Variants in RBFOX1 observed in about 807,000 individuals in gnomAD.
RBFOX1 encodes RNA binding protein fox-1 homolog 1.
RBFOX1 carries 8 observed loss-of-function variants against 57.7 expected under a neutral mutation model. The ratio of observed to expected loss-of-function variants is 0.14; its 90% confidence interval spans 0.08 to 0.25. The LOEUF (loss-of-function observed/expected upper bound fraction) is 0.25. RBFOX1 is among the 10% of genes least tolerant of loss of function. The probability of loss-of-function intolerance (pLI) is 1.00; values close to 1 mark genes in which losing one functional copy is unlikely to be tolerated. For missense variants in RBFOX1, 611 were observed against 548.5 expected (o/e 1.11, Z -1.14); for synonymous variants, 326 against 222.4 (o/e 1.47, Z -4.15).
intron 3 of RBFOX1, among the ~76,000 whole-genome samples, chr16:6,831,141 C>T (rs114695631): frequency 6.6e-6 from 1 of 152,120 alleles, no homozygotes; most frequent in Non-Finnish European, 1.5e-5. Context: ...TATTTGCAAG[C>T]GGTTTTGCTC....
At chr16:7,093,824 G>A (rs1443802805) in intron 4 of RBFOX1, among the ~76,000 whole-genome samples, 1 of 151,992 alleles carries the variant, frequency 6.6e-6, no homozygotes. Context: ...CTCTTTGTCT[G>A]TAAAGTGATT....
intron 3 of RBFOX1, among the ~76,000 whole-genome samples, chr16:6,909,572 G>T (rs1428503179): frequency 6.6e-6 from 1 of 152,162 alleles, no homozygotes; most frequent in Admixed American, 6.5e-5. Flanking sequence ...TCATATTCAG[G>T]CTCAGCTACC....
intron 3 of RBFOX1, among the ~76,000 whole-genome samples, chr16:6,864,321 G>T (rs943701189): frequency 2.6e-4 from 39 of 152,142 alleles, no homozygotes; most frequent in African/African-American, 8.7e-4. Context: ...ATCCTATCCA[G>T]TTATTTCAAG....
intron 4 of RBFOX1, among the ~76,000 whole-genome samples, chr16:5,961,544 A>T (rs897515108): frequency 3.9e-5 from 6 of 151,996 alleles, no homozygotes; most frequent in Non-Finnish European, 7.4e-5. Flanking sequence ...TTTTTGAGAC[A>T]GGGTCTTCCT....
chr16:7,649,803 C>T (rs1005744382), intron 11 of RBFOX1, among the ~76,000 whole-genome samples: 9 of 152,126 alleles, frequency 5.9e-5, no homozygotes, highest in Admixed American at 2.0e-4. Context: ...CACCAGTAAG[C>T]GTCCTTCTCC....
chr16:7,349,380 A>G (rs759169910), intron 4 of RBFOX1, among the ~76,000 whole-genome samples: 1 of 152,134 alleles, frequency 6.6e-6, no homozygotes, highest in Non-Finnish European at 1.5e-5. Flanking sequence ...TAAAAACTAA[A>G]TCCTCCTCCT....
At chr16:6,760,297 T>G (rs1340610381) in intron 3 of RBFOX1, among the ~76,000 whole-genome samples, 1 of 152,178 alleles carries the variant, frequency 6.6e-6, no homozygotes, top group Non-Finnish European at 1.5e-5. Context: ...AGGAGAGCAT[T>G]GGCACCTATG....
At chr16:5,807,713 G>A (rs947135783) in intron 3 of RBFOX1, among the ~76,000 whole-genome samples, 4 of 152,108 alleles carry the variant, frequency 2.6e-5, no homozygotes, top group East Asian at 3.9e-4. Context: ...AGTCTACATC[G>A]GTGCATCACA....
chr16:6,510,389 C>G (rs953339587), intron 2 of RBFOX1, among the ~76,000 whole-genome samples: 4 of 152,090 alleles, frequency 2.6e-5, no homozygotes, highest in Non-Finnish European at 5.9e-5. Flanking sequence ...TTTCCCGATG[C>G]CGTTCTGCTC....
At chr16:6,662,223 G>A (rs2098706146) in intron 3 of RBFOX1, among the ~76,000 whole-genome samples, 1 of 152,094 alleles carries the variant, frequency 6.6e-6, no homozygotes, top group African/African-American at 2.4e-5. Flanking sequence ...GCACAGTGAT[G>A]AGAGTTTAAT....
intron 4 of RBFOX1, among the ~76,000 whole-genome samples, chr16:7,435,390 A>G (rs1314736111): frequency 6.6e-6 from 1 of 151,992 alleles, no homozygotes; most frequent in Non-Finnish European, 1.5e-5. Flanking sequence ...GGTACATATT[A>G]TGAAAATGAC....
intron 4 of RBFOX1, among the ~76,000 whole-genome samples, chr16:7,383,331 C>A (rs1339107180): frequency 6.6e-6 from 1 of 150,858 alleles, no homozygotes; most frequent in South Asian, 2.1e-4. Flanking sequence ...AACTTCTCTG[C>A]TTGGACAAAA....
chr16:5,896,784 T>C (rs2058174437), intron 4 of RBFOX1, among the ~76,000 whole-genome samples: 1 of 152,028 alleles, frequency 6.6e-6, no homozygotes, highest in African/African-American at 2.4e-5. Flanking sequence ...CAGCCAACAC[T>C]TTAGTATGTG....
intron 6 of RBFOX1, among the ~76,000 whole-genome samples, chr16:7,580,627 A>T (rs2093686018): frequency 6.6e-6 from 1 of 152,228 alleles, no homozygotes. Context: ...CCACTGACCC[A>T]GGAGAAAATA....
At chr16:7,332,847 T>C in intron 4 of RBFOX1, 4 of 1,455,792 alleles carry the variant, frequency 2.7e-6, no homozygotes, top group Non-Finnish European at 3.6e-6. Flanking sequence ...CGGATTTTCT[T>C]TCTTTCCTCT....
At chr16:6,094,216 A>G (rs976982465) in intron 1 of RBFOX1, among the ~76,000 whole-genome samples, 1 of 152,160 alleles carries the variant, frequency 6.6e-6, no homozygotes, top group Non-Finnish European at 1.5e-5. Flanking sequence ...ATGGATGAGG[A>G]AGACCAGCCA....
rs75478201 is a variant in RBFOX1, at chr16:5,956,946, A to G, written c.351+89611A>G. Among the ~76,000 whole-genome samples, 1,141 of 151,766 alleles carry G rather than the reference A, an allele frequency of 7.5e-3. 9 individuals are homozygous for G. Among genetic ancestry groups the G allele is most frequent in the East Asian group, 0.039 (198 of 5,128 alleles). On this transcript the variant is annotated intron_variant, in intron 4 of 19. Transcript: ENST00000641259. Reference sequence around the variant, plus strand: ...GGCATCCCAAAGTGCTAGGGATTACATGCCTGAGCCACTGCGCCCAGCCTG... The same window carrying G: ...GGCATCCCAAAGTGCTAGGGATTACGTGCCTGAGCCACTGCGCCCAGCCTG...
intron 2 of RBFOX1, among the ~76,000 whole-genome samples, chr16:6,327,453 G>A (rs774610808): frequency 4.6e-5 from 7 of 151,942 alleles, no homozygotes; most frequent in African/African-American, 9.7e-5. Context: ...TTATGACTTT[G>A]GATATATTTT....
intron 1 of RBFOX1, among the ~76,000 whole-genome samples, chr16:6,221,893 C>G (rs1427535692): frequency 6.6e-6 from 1 of 152,156 alleles, no homozygotes; most frequent in Non-Finnish European, 1.5e-5. Context: ...GGGAATTATT[C>G]AAGATGAAAT....
Sources: gnomAD v4.1 joint callset for allele counts (sites outside exome capture counted in the v4.1 genomes callset) on GRCh38, gnomAD v4.1.1 for gene constraint, MANE v1.5 for transcripts, NCBI Gene and HGNC (gene_info 2026-07-23, HGNC 2026-07-21) for gene names.